EPHA5: variants seen among roughly 807,000 people sequenced by gnomAD.
EPHA5 encodes EPH receptor A5.
Under a neutral mutation model 105.0 loss-of-function variants are expected in EPHA5, and 60 were observed. The observed-to-expected ratio is 0.57, with a 90% CI of 0.46 to 0.71. The LOEUF is 0.71. Ranked by LOEUF, EPHA5 falls within the 30% of genes least tolerant of loss-of-function variation. The probability of loss-of-function intolerance (pLI) is 0.00; values close to 1 mark genes in which losing one functional copy is unlikely to be tolerated. For missense variants in EPHA5, 1,218 were observed against 1,274.7 expected (o/e 0.96, Z 0.68); for synonymous variants, 513 against 449.1 (o/e 1.14, Z -1.80).
chr4:65,453,145 C>T (rs986342467), intron 5 of EPHA5, among the ~76,000 whole-genome samples: 2 of 152,122 alleles, frequency 1.3e-5, no homozygotes, highest in African/African-American at 2.4e-5. Flanking sequence ...ACTATACCAG[C>T]ACACATAAAA....
At chr4:65,594,764 G>A (rs1743005326) in intron 3 of EPHA5, among the ~76,000 whole-genome samples, 1 of 151,894 alleles carries the variant, frequency 6.6e-6, no homozygotes, top group Admixed American at 6.6e-5. Flanking sequence ...GAAAAAAATG[G>A]GTTTTATACT....
At chr4:65,558,996 G>A (rs1738744923) in intron 3 of EPHA5, among the ~76,000 whole-genome samples, 1 of 152,026 alleles carries the variant, frequency 6.6e-6, no homozygotes, top group Non-Finnish European at 1.5e-5. Flanking sequence ...CCAAACTCCA[G>A]CAGCACACAA....
chr4:65,396,306 A>G (rs552067607), intron 8 of EPHA5, among the ~76,000 whole-genome samples: 83 of 152,280 alleles, frequency 5.5e-4, no homozygotes, highest in Non-Finnish European at 1.1e-3. Context: ...AAGGCTAATT[A>G]AGGGGAATAT....
In EPHA5 at chr4:65,602,224, C is replaced by A. The variant is rs2149441644; in HGVS notation, c.327G>T (p.Gln109His). The part of the protein sequence containing the change: ...YQVCKVMEQN[Q>H]NNWLLTSWIS... ...TCCAACTGGTCAAAAGCCAGTTATT[C>A]TGATTCTGTTCCATCACTTTGCATA... Residue 109 changes from glutamine (Q) to histidine (H), a missense_variant, in exon 3 of 17, where the codon CAG becomes CAT. Around this residue, in one of 3 missense-constraint regions of EPHA5, gnomAD observed 233 missense variants for 227.5 expected, o/e 1.02. Transcript: ENST00000613740. 1 of 1,613,386 alleles carries A rather than the reference C, an allele frequency of 6.2e-7. No individual in the cohort carries two copies. Among genetic ancestry groups the A allele is most frequent in the Non-Finnish European group, 8.5e-7 (1 of 1,180,004 alleles).
At chr4:65,510,009 C>T (rs12503903) in intron 3 of EPHA5, among the ~76,000 whole-genome samples, 32,253 of 149,706 alleles carry the variant, frequency 0.22, 3,780 homozygotes, top group Middle Eastern at 0.33. Context: ...CTATTCTATG[C>T]AATTTCAGAT....
chr4:65,566,102 C>T (rs1328617970), intron 3 of EPHA5, among the ~76,000 whole-genome samples: 1 of 151,722 alleles, frequency 6.6e-6, no homozygotes, highest in Non-Finnish European at 1.5e-5. Context: ...GGCCCTACTT[C>T]TACAACATGG....
chr4:65,513,396 G>T (rs1560629589), intron 3 of EPHA5, among the ~76,000 whole-genome samples: 1 of 151,854 alleles, frequency 6.6e-6, no homozygotes, highest in East Asian at 1.9e-4. Context: ...GTTTTGTTTT[G>T]TTTTTTCTGA....
chr4:65,324,371 C>T (rs905901176), intron 16 of EPHA5, 152 bp from the exon 17 acceptor site: 2 of 520,168 alleles, frequency 3.8e-6, no homozygotes, highest in Admixed American at 3.7e-5. Flanking sequence ...AGGTTAGGCT[C>T]TAAAATTATA....
chr4:65,642,106 C>A (rs2149512589), intron 2 of EPHA5, among the ~76,000 whole-genome samples: 1 of 152,046 alleles, frequency 6.6e-6, no homozygotes, highest in South Asian at 2.1e-4. Flanking sequence ...AAGAGAATAT[C>A]TCATATATTT....
intron 3 of EPHA5, among the ~76,000 whole-genome samples, chr4:65,569,089 A>G (rs758376830): frequency 2.6e-5 from 4 of 151,460 alleles, no homozygotes; most frequent in African/African-American, 4.8e-5. Context: ...GCAAAAAATT[A>G]TATATTTCAA....
At chr4:65,364,877 T>C in intron 11 of EPHA5, 140 bp downstream of exon 11, 3 of 583,050 alleles carry the variant, frequency 5.1e-6, no homozygotes, top group Non-Finnish European at 7.8e-6. Flanking sequence ...TTAACAAAAA[T>C]CTACTAAAAT....
chr4:65,389,258 T>C (rs888277751), intron 8 of EPHA5, among the ~76,000 whole-genome samples: 1 of 152,094 alleles, frequency 6.6e-6, no homozygotes, highest in Non-Finnish European at 1.5e-5. Context: ...ATTGTGGTGC[T>C]GGCATATCCA....
intron 3 of EPHA5, among the ~76,000 whole-genome samples, chr4:65,576,135 G>GAAAAGA (rs199789696): frequency 3.9e-5 from 5 of 128,716 alleles, no homozygotes; most frequent in African/African-American, 8.4e-5. Context: ...GAAAAGAAAA[G>GAAAAGA]AAAGAAAGAA....
chr4:65,521,381 G>A (rs1296336444), intron 3 of EPHA5, among the ~76,000 whole-genome samples: 5 of 151,980 alleles, frequency 3.3e-5, no homozygotes, highest in Non-Finnish European at 5.9e-5. Context: ...TCTTGAGGTC[G>A]GGGGAGTGGG....
chr4:65,664,506 G>C (rs926388487), intron 1 of EPHA5, among the ~76,000 whole-genome samples: 2 of 151,886 alleles, frequency 1.3e-5, no homozygotes, highest in Admixed American at 1.3e-4. Flanking sequence ...ACACCCATAG[G>C]AATATCTGTA....
At chr4:65,508,705 C>T (rs962930794) in intron 3 of EPHA5, among the ~76,000 whole-genome samples, 5 of 151,836 alleles carry the variant, frequency 3.3e-5, no homozygotes, top group African/African-American at 4.8e-5. Flanking sequence ...AATCATTGCC[C>T]AGGTTGTGTA....
intron 7 of EPHA5, among the ~76,000 whole-genome samples, chr4:65,407,413 C>G (rs1456378174): frequency 6.6e-6 from 1 of 151,934 alleles, no homozygotes; most frequent in Non-Finnish European, 1.5e-5. Context: ...TAGTAATTTC[C>G]AAGACCTAAA....
chr4:65,496,764 T>C (rs147908403), intron 3 of EPHA5, among the ~76,000 whole-genome samples: 4,733 of 152,218 alleles, frequency 0.031, 111 homozygotes, highest in Non-Finnish European at 0.044. Context: ...ATGGCTTATG[T>C]CTTACTCAGT....
At chr4:65,358,775 A>G (rs1469048528) in intron 11 of EPHA5, among the ~76,000 whole-genome samples, 1 of 151,620 alleles carries the variant, frequency 6.6e-6, no homozygotes, top group Non-Finnish European at 1.5e-5. Flanking sequence ...AGATAAAATC[A>G]AAAGCTTGTA....
Sources: gnomAD v4.1 joint callset for allele counts (sites outside exome capture counted in the v4.1 genomes callset) on GRCh38, gnomAD v4.1.1 for gene constraint, gnomAD v4.1.1 regional missense constraint, MANE v1.5 for transcripts, NCBI Gene and HGNC (gene_info 2026-07-23, HGNC 2026-07-21) for gene names.